KAZN: variants seen among roughly 807,000 people sequenced by gnomAD.
KAZN encodes the protein kazrin, periplakin interacting protein.
KAZN carries 40 observed loss-of-function variants against 87.4 expected under a neutral mutation model. The observed-to-expected ratio is 0.46, with a 90% confidence interval of 0.36 to 0.60. The LOEUF (loss-of-function observed/expected upper bound fraction) is 0.60. KAZN is among the 20% of genes least tolerant of loss of function. KAZN has a pLI of 0.00. For missense variants in KAZN, 898 were observed against 1,073.9 expected, an observed-to-expected ratio of 0.84 and a Z score of 2.29; for synonymous variants, 466 against 458.3, an observed-to-expected ratio of 1.02 and a Z score of -0.22.
At chr1:14,354,697 T>C (rs1292499905) in intron 2 of KAZN, among the ~76,000 whole-genome samples, 1 of 121,082 alleles carries the variant, frequency 8.3e-6, no homozygotes, top group Non-Finnish European at 1.8e-5. Context: ...CAAACAAACC[T>C]GACAATGCCA....
chr1:14,896,509 T>A (rs1655293261), intron 1 of KAZN, among the ~76,000 whole-genome samples: 3 of 152,216 alleles, frequency 2.0e-5, no homozygotes, highest in African/African-American at 4.8e-5. Flanking sequence ...TTGGTTAAAT[T>A]GGCTGGAATT....
intron 2 of KAZN, among the ~76,000 whole-genome samples, chr1:15,007,470 G>C (rs1041038815): frequency 6.6e-6 from 1 of 152,236 alleles, no homozygotes; most frequent in Non-Finnish European, 1.5e-5. Context: ...AGGTGTGGAG[G>C]GTGTGATTTG....
chr1:13,978,129 CAAA>C (rs35828417), intron 1 of KAZN, among the ~76,000 whole-genome samples: 1 of 82,122 alleles, frequency 1.2e-5, no homozygotes, highest in African/African-American at 4.9e-5. Context: ...CTCCATCTCA[CAAA>C]AAAAAAAAAA....
intron 2 of KAZN, among the ~76,000 whole-genome samples, chr1:14,471,731 G>C (rs565236249): frequency 6.6e-6 from 1 of 152,280 alleles, no homozygotes; most frequent in African/African-American, 2.4e-5. Flanking sequence ...CTGTATCTTG[G>C]GGTTAACCCT....
chr1:14,118,085 C>T (rs535371060), intron 1 of KAZN, among the ~76,000 whole-genome samples: 1 of 152,222 alleles, frequency 6.6e-6, no homozygotes, highest in African/African-American at 2.4e-5. Context: ...GGTGGGGTCA[C>T]CATGGGAAAA....
chr1:14,874,251 G>A (rs1652495796), intron 1 of KAZN, among the ~76,000 whole-genome samples: 1 of 152,182 alleles, frequency 6.6e-6, no homozygotes, highest in African/African-American at 2.4e-5. Context: ...GAAGGGGGAA[G>A]AGGATCCAAC....
chr1:14,591,175 C>G (rs975935049), intron 2 of KAZN, among the ~76,000 whole-genome samples: 13 of 151,930 alleles, frequency 8.6e-5, no homozygotes, highest in African/African-American at 2.4e-4. Context: ...AATAGTGCCC[C>G]CCCCCCATGG....
At chr1:14,968,295 G>A (rs755359439) in intron 2 of KAZN, among the ~76,000 whole-genome samples, 50 of 152,068 alleles carry the variant, frequency 3.3e-4, no homozygotes, top group Non-Finnish European at 5.7e-4. Flanking sequence ...TAATGCCATC[G>A]CTGCTGATCA....
intron 2 of KAZN, among the ~76,000 whole-genome samples, chr1:14,363,888 A>C (rs539711655): frequency 5.9e-5 from 9 of 152,296 alleles, no homozygotes; most frequent in African/African-American, 1.9e-4. Flanking sequence ...TAAACACCAT[A>C]AACGGTTGTG....
chr1:14,525,704 G>T (rs1184295333), intron 2 of KAZN, among the ~76,000 whole-genome samples: 1 of 152,142 alleles, frequency 6.6e-6, no homozygotes, highest in Non-Finnish European at 1.5e-5. Context: ...TGTAAATGTT[G>T]TTTGGCTTAC....
At chr1:14,392,173 T>C (rs1292356488) in intron 2 of KAZN, among the ~76,000 whole-genome samples, 3 of 152,194 alleles carry the variant, frequency 2.0e-5, no homozygotes, top group African/African-American at 2.4e-5. Context: ...CCTGAGCCAA[T>C]GGCTTCAAAG....
chr1:14,253,184 T>C (rs1650206372), intron 2 of KAZN, among the ~76,000 whole-genome samples: 1 of 151,670 alleles, frequency 6.6e-6, no homozygotes, highest in Admixed American at 6.6e-5. Flanking sequence ...CAGCTGTTTG[T>C]CCAGGAAGAA....
chr1:14,749,904 T>C (rs1416088549), intron 1 of KAZN, among the ~76,000 whole-genome samples: 1 of 152,088 alleles, frequency 6.6e-6, no homozygotes, highest in Non-Finnish European at 1.5e-5. Context: ...TCATGGGCCA[T>C]TGTAAGGACC....
intron 2 of KAZN, among the ~76,000 whole-genome samples, chr1:14,189,649 AG>A (rs1340109578): frequency 7.9e-5 from 12 of 152,272 alleles, no homozygotes; most frequent in African/African-American, 2.6e-4. Flanking sequence ...TAGTGGTGAT[AG>A]GGGTCCATCA....
intron 2 of KAZN, among the ~76,000 whole-genome samples, chr1:14,359,284 C>A (rs1306231744): frequency 1.3e-5 from 2 of 151,166 alleles, no homozygotes; most frequent in South Asian, 2.1e-4. Flanking sequence ...TTTCCATTTG[C>A]TTGGTAAATA....
In KAZN at chr1:14,599,061, G is replaced by GA; in HGVS notation, c.65dup (p.Val23GlyfsTer91). 6.4e-7 allele frequency: 1 copy of GA among 1,563,454 alleles called. No individual in the cohort carries two copies. Among genetic ancestry groups the GA allele is most frequent in the Non-Finnish European group, 8.6e-7 (1 of 1,159,446 alleles). On this transcript the variant is annotated frameshift_variant, in exon 1 of 15. Transcript: ENST00000376030. LOFTEE classifies it high-confidence loss of function. This position sits in a 1 kb window ranked among gnomAD's most constrained non-coding sequence, Gnocchi z 4.4. Reference sequence around the variant, plus strand: ...TGGGGCGGTCCAGTCGGCCAGCCAGGAGGTGACCAACCTGCGAGCCGAACT... The same window carrying GA: ...TGGGGCGGTCCAGTCGGCCAGCCAGGAAGGTGACCAACCTGCGAGCCGAACT...
chr1:14,380,786 GAGAC>G (rs1331033361), intron 2 of KAZN, among the ~76,000 whole-genome samples: 1 of 152,190 alleles, frequency 6.6e-6, no homozygotes, highest in Admixed American at 6.5e-5. Context: ...GATAGAGAAA[GAGAC>G]AGGGGTAGAA....
intron 1 of KAZN, among the ~76,000 whole-genome samples, chr1:14,960,339 G>T (rs762486850): frequency 6.6e-6 from 1 of 152,200 alleles, no homozygotes; most frequent in Non-Finnish European, 1.5e-5. Flanking sequence ...ATGAGATAAT[G>T]CATATGAAAC....
At chr1:15,000,213 G>A in intron 2 of KAZN, among the ~76,000 whole-genome samples, 1 of 149,564 alleles carries the variant, frequency 6.7e-6, no homozygotes. Context: ...TCAGGCTAGA[G>A]GACAGGGCCA....
Sources: gnomAD v4.1 joint callset for allele counts (sites outside exome capture counted in the v4.1 genomes callset) on GRCh38, gnomAD v4.1.1 for gene constraint, Gnocchi (gnomAD v3.1) non-coding constraint, MANE v1.5 for transcripts, NCBI Gene and HGNC (gene_info 2026-07-23, HGNC 2026-07-21) for gene names.